Variants in RAD51AP2 observed in about 807,000 individuals in gnomAD.
The protein encoded by RAD51AP2 is RAD51-associated protein 2.
A neutral mutation model predicts 85.5 loss-of-function variants in RAD51AP2; 67 were observed. The observed-to-expected ratio is 0.78, with a 90% confidence interval of 0.64 to 0.96. The LOEUF is 0.96. Among genes scored for constraint, RAD51AP2 ranks in the 40% least tolerant of loss-of-function variants. RAD51AP2 has a pLI of 0.00. For missense variants in RAD51AP2, 1,307 were observed against 1,332.4 expected, an observed-to-expected ratio of 0.98 and a Z score of 0.30; for synonymous variants, 474 against 446.5, an observed-to-expected ratio of 1.06 and a Z score of -0.78.
At chr2:17,522,219 G>GT (rs1662872242), upstream of RAD51AP2, among the ~76,000 whole-genome samples, 1 of 151,828 alleles carries the variant, frequency 6.6e-6, no homozygotes, top group African/African-American at 2.4e-5. Context: ...GTTCTAAACT[G>GT]TTTTTTTCAG....
chr2:17,531,854 C>T, the RAD51AP2 span, among the ~76,000 whole-genome samples: 9 of 152,262 alleles, frequency 5.9e-5, no homozygotes, highest in East Asian at 1.4e-3. Context: ...TTCTTAGATG[C>T]CCAATATCTT....
Position 17,517,738 on chromosome 2 carries a change from G to A in RAD51AP2, c.678C>T (p.Asn226=), listed in dbSNP as rs1401345088. 3.1e-6 allele frequency: 5 copies of A among 1,613,558 alleles called. No individual in the cohort carries two copies. Among genetic ancestry groups the A allele is most frequent in the East Asian group, 2.2e-5 (1 of 44,872 alleles). ...ATATTTTTAGTACAGATGATGAAATGTTATTTTCTCTTTTATTTGATGGCA... is the reference window on the plus strand; with the variant it reads ...ATATTTTTAGTACAGATGATGAAATATTATTTTCTCTTTTATTTGATGGCA... ...SVVPSNKREN[N]ISSSVLKISK... Residue 226 remains asparagine, a synonymous_variant, in exon 1 of 3, where the codon AAC becomes AAT. Coordinates refer to ENST00000399080, the MANE Select transcript of RAD51AP2 (RefSeq NM_001099218.3).
intron 1 of RAD51AP2, among the ~76,000 whole-genome samples, chr2:17,514,418 T>C (rs1662583940): frequency 6.6e-6 from 1 of 151,974 alleles, no homozygotes; most frequent in African/African-American, 2.4e-5. Context: ...AGACTCCAAC[T>C]GTACAAGAGG....
the RAD51AP2 span, among the ~76,000 whole-genome samples, chr2:17,536,860 G>A: frequency 6.6e-6 from 1 of 152,058 alleles, no homozygotes; most frequent in African/African-American, 2.4e-5. Context: ...ATTTTTTTCA[G>A]TATTTTAGAA....
At chr2:17,514,536 C>CGGGG (rs35741699) in intron 1 of RAD51AP2, among the ~76,000 whole-genome samples, 7 of 149,500 alleles carry the variant, frequency 4.7e-5, no homozygotes, top group African/African-American at 1.7e-4. Context: ...CCGAGGGCGG[C>CGGGG]GGGGGGGGTG....
At chr2:17,512,337 C>A (rs1020156121) in intron 2 of RAD51AP2, among the ~76,000 whole-genome samples, 4 of 152,206 alleles carry the variant, frequency 2.6e-5, no homozygotes, top group African/African-American at 9.6e-5. Flanking sequence ...TCCCCAGTAT[C>A]TTCCAACTTT....
rs778579251 is a variant in RAD51AP2, at chr2:17,517,590, T to C, written c.826A>G (p.Lys276Glu). 24 of 1,613,822 alleles carry C rather than the reference T, an allele frequency of 1.5e-5. No individual in the cohort carries two copies. In the South Asian group the frequency reaches 2.5e-4, roughly 17 times the overall value. The change falls in exon 1 of 3, where the codon AAG becomes GAG. Residue 276 changes from lysine to glutamate, a missense_variant. Lys to Glu is a moderately conservative substitution (Grantham distance 56). Transcript: ENST00000399080. ...LNSKMSSVYL[K>E]EIAKKKNDKK... ...TCATTCTTTTTCTTCGCTATTTCCTTTAAATAGACAGAGGACATTTTGCTA... is the reference window on the plus strand; with the variant it reads ...TCATTCTTTTTCTTCGCTATTTCCTCTAAATAGACAGAGGACATTTTGCTA...
At position 17,515,312 on chromosome 2, in the gene RAD51AP2, A is replaced by G. The variant is rs1339923998; in HGVS notation, c.3104T>C (p.Ile1035Thr). Residue 1035 changes from isoleucine to threonine, a missense_variant, in exon 1 of 3, where the codon ATA (isoleucine) becomes ACA (threonine). Ile to Thr is a moderately conservative substitution (Grantham distance 89, BLOSUM62 -1). This residue lies in a region of RAD51AP2 where 668 missense variants were observed against 671.0 expected (regional missense o/e 1.00). Transcript: ENST00000399080. ...IRASSSFHDT[I>T]AGPNMGKSHQ... ...ACTTTTGCCCATATTAGGACCTGCT[A>G]TAGTATCATGGAACGAGGAAGATGC... is the stretch of plus-strand genomic sequence containing the variant. 1 of 1,613,594 alleles carries G rather than the reference A, an allele frequency of 6.2e-7. No homozygotes were observed. Among genetic ancestry groups the G allele is most frequent in the South Asian group, 1.1e-5 (1 of 90,946 alleles).
the RAD51AP2 span, among the ~76,000 whole-genome samples, chr2:17,537,129 G>A: frequency 1.3e-5 from 2 of 152,136 alleles, no homozygotes; most frequent in Admixed American, 6.5e-5. Context: ...AGACCAGCCT[G>A]GGCAACATGG....
At chr2:17,520,462 A>T (rs940377385), upstream of RAD51AP2, among the ~76,000 whole-genome samples, 3 of 152,136 alleles carry the variant, frequency 2.0e-5, no homozygotes, top group African/African-American at 7.2e-5. Context: ...ATATTTTTCT[A>T]TATCACTTTA....
In RAD51AP2 at chr2:17,517,063, G is replaced by A. The variant is rs1419774175; in HGVS notation, c.1353C>T (p.Val451=). Residue 451 remains valine, a synonymous_variant, in exon 1 of 3, where the codon GTC becomes GTT. Coordinates refer to ENST00000399080, the MANE Select transcript of RAD51AP2 (RefSeq NM_001099218.3). ...TTGATTGTTCTTCATATGCATTGAT[G>A]ACTTTTGCACAGTGGTAATCTTCCT... is the stretch of plus-strand genomic sequence containing the variant. ...LSKEDYHCAK[V]INAYEEQSKL... 6.2e-7 allele frequency: 1 copy of A among 1,611,832 alleles called. No individual in the cohort carries two copies. The highest frequency in any genetic ancestry group is 8.5e-7 in the Non-Finnish European group (1 of 1,179,308).
At chr2:17,531,583 C>T in the RAD51AP2 span, among the ~76,000 whole-genome samples, 2 of 152,168 alleles carry the variant, frequency 1.3e-5, no homozygotes, top group Non-Finnish European at 2.9e-5. Context: ...TTTAACATTA[C>T]AGTGCTATTA....
chr2:17,518,062 G>A lies in RAD51AP2; in HGVS notation c.354C>T (p.Pro118=). 6.2e-7 allele frequency: 1 copy of A among 1,614,124 alleles called. No homozygotes were observed. The change falls in exon 1 of 3, where the codon CCC becomes CCT. Residue 118 remains proline (P), a synonymous_variant. Transcript: ENST00000399080. ...AATCAGAATCAGGACTTTGTGAGGG[G>A]GGAGACTGCAAACAGCTACTCATTT... ...KFQMSSCLQS[P]PSQSPDSDLR...
upstream of RAD51AP2, among the ~76,000 whole-genome samples, chr2:17,522,324 T>C (rs1249806040): frequency 6.6e-6 from 1 of 152,084 alleles, no homozygotes; most frequent in Non-Finnish European, 1.5e-5. Context: ...AGTTTCAGTC[T>C]AGGCCATATG....
chr2:17,513,211 G>A (rs1182490942), intron 2 of RAD51AP2, among the ~76,000 whole-genome samples: 2 of 140,666 alleles, frequency 1.4e-5, no homozygotes, highest in African/African-American at 5.1e-5. Context: ...GATAAGGTTA[G>A]TTGTTTAATT....
chr2:17,528,282 T>A, the RAD51AP2 span, among the ~76,000 whole-genome samples: 1 of 152,230 alleles, frequency 6.6e-6, no homozygotes, highest in African/African-American at 2.4e-5. Context: ...TTTTATTGAT[T>A]GATTAATATG....
the RAD51AP2 span, among the ~76,000 whole-genome samples, chr2:17,535,816 G>A: frequency 7.3e-5 from 11 of 151,708 alleles, 1 homozygote; most frequent in Non-Finnish European, 1.2e-4. Flanking sequence ...TTAAAAGGAG[G>A]AAGTCGAGAG....
chr2:17,523,578 A>T, the RAD51AP2 span, among the ~76,000 whole-genome samples: 1 of 152,000 alleles, frequency 6.6e-6, no homozygotes, highest in South Asian at 2.1e-4. Flanking sequence ...TTGTCTAGCT[A>T]ATATCAAAGT....
chr2:17,531,941 TTAAG>T, the RAD51AP2 span, among the ~76,000 whole-genome samples: 10 of 152,156 alleles, frequency 6.6e-5, no homozygotes, highest in Admixed American at 6.5e-4. Context: ...TGAAGGGAAC[TTAAG>T]TAATTTGCCC....
Sources: allele counts gnomAD v4.1 joint callset (sites outside exome capture counted in the v4.1 genomes callset), GRCh38; gene constraint gnomAD v4.1.1; regional missense constraint gnomAD v4.1.1; transcripts MANE v1.5; gene names NCBI Gene and HGNC (gene_info 2026-07-23, HGNC 2026-07-21).